NAALADL2: variants seen among roughly 807,000 people sequenced by gnomAD.
NAALADL2 encodes the protein inactive N-acetylated-alpha-linked acidic dipeptidase-like protein 2.
NAALADL2 carries 76 observed loss-of-function variants against 87.2 expected under a neutral mutation model. That is an observed-to-expected ratio of 0.87 (90% confidence interval 0.72 to 1.05). The LOEUF is 1.05. Ranked by LOEUF, NAALADL2 falls within the 50% of genes least tolerant of loss-of-function variation. NAALADL2 has a pLI of 0.00. For synonymous variants in NAALADL2, 354 were observed against 331.0 expected (o/e 1.07, Z -0.75); for missense variants, 1,089 against 945.8 (o/e 1.15, Z -1.99).
chr3:174,875,301 A>G (rs568652954), intron 1 of NAALADL2, among the ~76,000 whole-genome samples: 1 of 152,046 alleles, frequency 6.6e-6, no homozygotes, highest in Non-Finnish European at 1.5e-5. Context: ...TTTATTTTCA[A>G]AAATGATAAA....
chr3:174,463,091 T>A (rs1291329314), intron 1 of NAALADL2, among the ~76,000 whole-genome samples: 1 of 152,186 alleles, frequency 6.6e-6, no homozygotes, highest in Non-Finnish European at 1.5e-5. Context: ...AACAAACCAT[T>A]GTACAGAGTA....
At chr3:175,749,307 C>G (rs543339755) in intron 12 of NAALADL2, among the ~76,000 whole-genome samples, 2 of 151,504 alleles carry the variant, frequency 1.3e-5, no homozygotes, top group African/African-American at 4.9e-5. Context: ...AAGTTAATAC[C>G]CAAGAGTTTA....
intron 4 of NAALADL2, among the ~76,000 whole-genome samples, chr3:175,300,429 T>C (rs1756908503): frequency 6.6e-6 from 1 of 152,192 alleles, no homozygotes; most frequent in African/African-American, 2.4e-5. Context: ...TGGGCTTTTT[T>C]TTGGTTTGTA....
intron 12 of NAALADL2, among the ~76,000 whole-genome samples, chr3:175,744,502 G>A (rs528056167): frequency 6.6e-6 from 1 of 152,254 alleles, no homozygotes; most frequent in Non-Finnish European, 1.5e-5. Flanking sequence ...AACAAGCAAA[G>A]CAAAACAAAG....
At chr3:174,663,913 G>A (rs561910836) in intron 2 of NAALADL2, among the ~76,000 whole-genome samples, 66 of 151,424 alleles carry the variant, frequency 4.4e-4, no homozygotes, top group Middle Eastern at 3.4e-3. Context: ...TCAGCCTCCC[G>A]AGTAGCTGGG....
intron 5 of NAALADL2, among the ~76,000 whole-genome samples, chr3:175,374,582 AAAAG>A (rs1560454672): frequency 7.8e-5 from 11 of 140,356 alleles, no homozygotes; most frequent in African/African-American, 2.6e-4. Context: ...AAAAAAAAAA[AAAAG>A]AAAGTTATAT....
chr3:174,819,773 A>G (rs1311942582), intron 3 of NAALADL2, among the ~76,000 whole-genome samples: 1 of 123,822 alleles, frequency 8.1e-6, no homozygotes, highest in Non-Finnish European at 1.8e-5. Context: ...CAAAATAATC[A>G]TCCACCAGAG....
intron 1 of NAALADL2, among the ~76,000 whole-genome samples, chr3:174,876,309 T>TGTTTGTTTGTTTG (rs1442366530): frequency 1.3e-5 from 2 of 152,056 alleles, no homozygotes; most frequent in East Asian, 3.9e-4. Flanking sequence ...GCTGTTGATA[T>TGTTTGTTTGTTTG]TTTCTTTGTT....
intron 13 of NAALADL2, among the ~76,000 whole-genome samples, chr3:175,766,781 A>G (rs990658990): frequency 1.3e-5 from 2 of 152,230 alleles, no homozygotes; most frequent in Non-Finnish European, 1.5e-5. Context: ...TAATGAAACT[A>G]AAGTTTCCAA....
intron 10 of NAALADL2, among the ~76,000 whole-genome samples, chr3:175,600,569 G>C (rs374917838): frequency 2.8e-5 from 3 of 105,344 alleles, no homozygotes; most frequent in African/African-American, 3.7e-5. Flanking sequence ...ACGGAGTCTC[G>C]CTCTGTCGCC....
intron 9 of NAALADL2, among the ~76,000 whole-genome samples, chr3:175,497,351 A>G (rs1728958704): frequency 6.6e-6 from 1 of 152,202 alleles, no homozygotes; most frequent in African/African-American, 2.4e-5. Flanking sequence ...AACTTTACTA[A>G]TCTTTTTCAT....
chr3:175,584,973 A>G, intron 10 of NAALADL2, among the ~76,000 whole-genome samples: 1 of 152,150 alleles, frequency 6.6e-6, no homozygotes. Context: ...ATCTTTCTTT[A>G]GTAATAAATA....
chr3:174,856,005 A>G (rs1239766187), upstream of NAALADL2, among the ~76,000 whole-genome samples: 2 of 148,468 alleles, frequency 1.3e-5, no homozygotes, highest in Non-Finnish European at 3.0e-5. Context: ...TATATATATG[A>G]GAGAGAGAAG....
rs548001435 is a variant in NAALADL2, at chr3:175,286,656, C to G, written c.939+30126C>G. Among the ~76,000 whole-genome samples, 5 of 152,166 alleles carry G rather than the reference C, an allele frequency of 3.3e-5. No individual in the cohort carries two copies. In the South Asian group the frequency reaches 8.3e-4, roughly 25 times the overall value. ...TGATTGTTTCTGTAATAAGGCCATA[C>G]CTTTTATTTTTATGGCTTTTTAATA... On this transcript the variant is annotated intron_variant, in intron 4 of 13. Transcript: ENST00000454872.
intron 1 of NAALADL2, among the ~76,000 whole-genome samples, chr3:174,454,385 G>A (rs1369927164): frequency 1.3e-5 from 2 of 152,018 alleles, no homozygotes; most frequent in African/African-American, 4.8e-5. Flanking sequence ...TGGATCAAAT[G>A]GACCTGGTAG....
intron 3 of NAALADL2, among the ~76,000 whole-genome samples, chr3:174,755,139 A>T (rs913408905): frequency 2.6e-5 from 4 of 152,062 alleles, no homozygotes; most frequent in African/African-American, 9.7e-5. Flanking sequence ...TTCTCATGAG[A>T]TCTGATGTAT....
intron 1 of NAALADL2, among the ~76,000 whole-genome samples, chr3:174,896,612 A>G (rs935018478): frequency 1.3e-5 from 2 of 152,202 alleles, no homozygotes; most frequent in Non-Finnish European, 2.9e-5. Flanking sequence ...TACAGATTCA[A>G]TGTGATCCCT....
At chr3:174,767,032 G>A (rs1366731105) in intron 3 of NAALADL2, among the ~76,000 whole-genome samples, 2 of 152,150 alleles carry the variant, frequency 1.3e-5, no homozygotes, top group South Asian at 4.1e-4. Context: ...TGCAGCCCTG[G>A]GTGGTAGCCC....
At chr3:175,138,619 A>G (rs996056442) in intron 2 of NAALADL2, among the ~76,000 whole-genome samples, 1 of 149,058 alleles carries the variant, frequency 6.7e-6, no homozygotes, top group Non-Finnish European at 1.5e-5. Context: ...TATTATTATT[A>G]TTATTGTTAT....
Sources: gnomAD v4.1 joint callset for allele counts (sites outside exome capture counted in the v4.1 genomes callset) on GRCh38, gnomAD v4.1.1 for gene constraint, MANE v1.5 for transcripts, NCBI Gene and HGNC (gene_info 2026-07-23, HGNC 2026-07-21) for gene names.